DICER1: variants seen among roughly 807,000 people sequenced by gnomAD.
The protein encoded by DICER1 is endoribonuclease Dicer.
DICER1 carries 43 observed loss-of-function variants against 194.1 expected under a neutral mutation model. The observed-to-expected ratio is 0.22, with a 90% CI of 0.17 to 0.29. The LOEUF (loss-of-function observed/expected upper bound fraction) is 0.29, where lower values mean the gene tolerates loss of function less well. Ranked by LOEUF, DICER1 falls within the 10% of genes least tolerant of loss-of-function variation. The pLI is 1.00. For synonymous variants in DICER1, 832 were observed against 820.5 expected (o/e 1.01, Z -0.24); for missense variants, 1,608 against 2,317.0 (o/e 0.69, Z 6.28).
chr14:95,154,494 T>C (rs935589050), intron 1 of DICER1, among the ~76,000 whole-genome samples: 1 of 152,250 alleles, frequency 6.6e-6, no homozygotes, highest in Non-Finnish European at 1.5e-5. Flanking sequence ...CAAAATGCAG[T>C]ATATTCATAC....
rs532402662 is a variant in DICER1 at position 95,124,918 on chromosome 14, G to T, written c.904-250C>A. On this transcript the variant is annotated intron_variant, in intron 7 of 26. Transcript: ENST00000343455. This position sits in a 1 kb window ranked among gnomAD's most constrained non-coding sequence, Gnocchi z 4.5. The stretch of plus-strand genomic sequence containing the variant: ...GAAATTAAAAGATGCAATTGTATGA[G>T]GTTAATGAAGCTTATTTTTAGATCT... Among the ~76,000 whole-genome samples, 1 of 152,094 alleles carries T rather than the reference G, an allele frequency of 6.6e-6. No individual in the cohort carries two copies. The highest frequency in any genetic ancestry group is 2.4e-5 in the African/African-American group (1 of 41,414).
In DICER1 at chr14:95,150,318, C is replaced by T. The variant is rs140905056; in HGVS notation, c.-46+6912G>A. 1.8e-3 allele frequency among the ~76,000 whole-genome samples: 275 copies of T among 152,114 alleles called. 1 individual carries two copies. Among genetic ancestry groups the T allele is most frequent in the African/African-American group, 6.4e-3 (264 of 41,504 alleles). On this transcript the variant is annotated intron_variant, in intron 1 of 26. Coordinates refer to ENST00000343455, the MANE Select transcript of DICER1 (RefSeq NM_177438.3). The stretch of plus-strand genomic sequence containing the variant: ...GGCTAACATGGTGAAACCCCGTCTC[C>T]ACTTAAAAAATACAAAAATTAGCTC...
rs1010614154 is a variant in DICER1, at chr14:95,107,953, C to T, written c.2577G>A (p.Arg859=). The change falls in exon 16 of 27, where the codon CGG becomes CGA. Residue 859 remains arginine, a synonymous_variant. Transcript: ENST00000343455. ...TAAATTCTAGTGCAGGTTTTTCAAG[C>T]CGAAGAATATGTGAGAATATATACT... ...LHQYIFSHIL[R]LEKPALEFKP... The T allele has an allele frequency of 6.2e-7, 1 of 1,613,922 alleles. No individual in the cohort carries two copies. Among genetic ancestry groups the T allele is most frequent in the Non-Finnish European group, 8.5e-7 (1 of 1,179,918 alleles).
rs866552539 is a variant in DICER1 at position 95,089,066 on chromosome 14, A to C, written c.*1432T>G. 1 of 233,534 alleles carries C rather than the reference A, an allele frequency of 4.3e-6. No homozygotes were observed. Among genetic ancestry groups the C allele is most frequent in the African/African-American group, 2.2e-5 (1 of 45,474 alleles). 14.5% of individuals were successfully genotyped at this position (233,534 alleles called of 1,614,324 possible). A position where few individuals can be genotyped will look rare whatever the true frequency, so the allele number is the denominator to read the frequency against. ...TTACAGTGCAAAAAAAAAAAAATTAAAATTTCAAGCATAATACATAAACAT... is the reference window on the plus strand; with the variant it reads ...TTACAGTGCAAAAAAAAAAAAATTACAATTTCAAGCATAATACATAAACAT... On this transcript the variant is annotated 3_prime_UTR_variant, in exon 27 of 27. Transcript: ENST00000343455.
rs1249975103 is a variant in DICER1, at chr14:95,103,585, G to A, written c.3811C>T (p.Leu1271Phe). Reference sequence around the variant, plus strand: ...TGCTCAGAATCCATCCTGCCCTTGAGCACTTGAATAGTGTCTGTCGTACCA... The same window carrying A: ...TGCTCAGAATCCATCCTGCCCTTGAACACTTGAATAGTGTCTGTCGTACCA... ...MPGTTDTIQV[L>F]KGRMDSEQSP... Residue 1271 changes from leucine (L) to phenylalanine (F), a missense_variant, in exon 21 of 27, where the codon CTC becomes TTC. This residue lies in a region of DICER1 where 222 missense variants were observed against 215.5 expected (regional missense o/e 1.03). Coordinates refer to ENST00000343455, the MANE Select transcript of DICER1 (RefSeq NM_177438.3). The A allele has an allele frequency of 1.1e-5, 17 of 1,614,078 alleles. No homozygotes were observed. The Middle Eastern group carries it at 1.2e-3, about 109-fold the overall frequency.
chr14:95,134,941 A>G (rs1455490327), intron 1 of DICER1, among the ~76,000 whole-genome samples: 1 of 152,214 alleles, frequency 6.6e-6, no homozygotes, highest in African/African-American at 2.4e-5. Flanking sequence ...TCAAAGCCCC[A>G]ACAGCCATTC....
chr14:95,141,869 T>A (rs1843322205), intron 1 of DICER1: 1 of 152,176 alleles, frequency 6.6e-6, no homozygotes, highest in South Asian at 2.1e-4. Context: ...AACAAGACAA[T>A]GCATGTCTAA....
rs1293799301 is a variant in DICER1 at position 95,133,462 on chromosome 14, T to G, written c.-4A>C. On this transcript the variant is annotated 5_prime_UTR_variant, in exon 2 of 27. It removes an upstream start codon present in the reference 5' UTR. Transcript: ENST00000343455. ...GTTGCAAAGCAGGGCTTTTCATTCATCCAGTGTTTCTTTCATTGCATTTTT... is the reference window on the plus strand; with the variant it reads ...GTTGCAAAGCAGGGCTTTTCATTCAGCCAGTGTTTCTTTCATTGCATTTTT... 1 of 1,611,126 alleles carries G rather than the reference T, an allele frequency of 6.2e-7. No homozygotes were observed. Among genetic ancestry groups the G allele is most frequent in the Non-Finnish European group, 8.5e-7 (1 of 1,178,450 alleles).
intron 15 of DICER1, 112 bp from the exon 16 acceptor site, chr14:95,108,205 C>G: frequency 3.1e-6 from 4 of 1,304,924 alleles, no homozygotes; most frequent in Non-Finnish European, 4.4e-6. Context: ...GAAGAGGCAC[C>G]TCGATCTTTA....
At chr14:95,092,761 C>T (rs1233228177) in intron 24 of DICER1, among the ~76,000 whole-genome samples, 3 of 152,158 alleles carry the variant, frequency 2.0e-5, no homozygotes, top group Admixed American at 1.3e-4. Context: ...AACCAATATG[C>T]CCCACTGGCA....
At chr14:95,155,294 C>T (rs1169543602) in intron 1 of DICER1, among the ~76,000 whole-genome samples, 1 of 152,188 alleles carries the variant, frequency 6.6e-6, no homozygotes, top group Non-Finnish European at 1.5e-5. Flanking sequence ...GTGACCATGA[C>T]ATGGTAGGGT....
At position 95,086,532 on chromosome 14, in the gene DICER1, G is replaced by T. The variant is rs532947960; in HGVS notation, c.*3966C>A. 4.8e-4 allele frequency: 113 copies of T among 233,314 alleles called. No homozygotes were observed. Among genetic ancestry groups the T allele is most frequent in the Non-Finnish European group, 8.0e-4 (94 of 117,872 alleles). The allele number at this position is 233,314 out of a possible 1,614,324, so 14.5% of individuals were successfully genotyped here. ...CATTTTTGCTATGTAACCTGCTGCT[G>T]CAGTGAATTCTTAGTGCATCTATAA... On this transcript the variant is annotated 3_prime_UTR_variant, in exon 27 of 27. Coordinates refer to ENST00000343455, the MANE Select transcript of DICER1 (RefSeq NM_177438.3).
intron 13 of DICER1, among the ~76,000 whole-genome samples, chr14:95,111,883 G>A (rs1407409500): frequency 1.3e-5 from 2 of 152,048 alleles, no homozygotes; most frequent in East Asian, 3.9e-4. Context: ...TGTTCATGGT[G>A]CATGATTCAA....
chr14:95,105,632 A>C lies in DICER1; in HGVS notation c.3093+46T>G. 2 of 1,318,608 alleles carry C rather than the reference A, an allele frequency of 1.5e-6. No individual in the cohort carries two copies. The highest frequency in any genetic ancestry group is 1.2e-5 in the South Asian group (1 of 84,492). 81.7% of individuals were successfully genotyped at this position (1,318,608 alleles called of 1,614,324 possible). The stretch of plus-strand genomic sequence containing the variant: ...TCAAACTTATCTTTAATAATCTTTA[A>C]TACTCAAACAAATACTAAGTTATGC... On this transcript the variant is annotated intron_variant, in intron 19 of 26. Coordinates refer to ENST00000343455, the MANE Select transcript of DICER1 (RefSeq NM_177438.3). This position sits in a 1 kb window ranked among gnomAD's most constrained non-coding sequence, Gnocchi z 4.9.
chr14:95,097,349 CT>C (rs1285215623), intron 22 of DICER1, among the ~76,000 whole-genome samples: 1 of 152,162 alleles, frequency 6.6e-6, no homozygotes, highest in Non-Finnish European at 1.5e-5. Flanking sequence ...GATCACTGCA[CT>C]AAGCTATGAA....
intron 26 of DICER1, 179 bp from the exon 27 acceptor site, chr14:95,090,842 G>C: frequency 1.1e-6 from 1 of 950,452 alleles, no homozygotes; most frequent in Non-Finnish European, 1.6e-6. Context: ...CTGCCGTCTA[G>C]TCTTTATTAC....
At position 95,124,819 on chromosome 14, in the gene DICER1, C is replaced by T. The variant is rs1031628042; in HGVS notation, c.904-151G>A. On this transcript the variant is annotated intron_variant, in intron 7 of 26. Transcript: ENST00000343455. The surrounding 1 kb of genome is among the most constrained non-coding windows in gnomAD (Gnocchi z 4.5). ...AGTCCCTGAAGGTGGGGGGAGAGGC[C>T]ATTAGCCTTTTCAAGCTCATTTCGT... 3.3e-5 allele frequency: 22 copies of T among 662,012 alleles called. No homozygotes were observed. Among genetic ancestry groups the T allele is most frequent in the African/African-American group, 9.1e-5 (5 of 54,828 alleles). The allele number at this position is 662,012 out of a possible 1,614,324, so 41.0% of individuals were successfully genotyped here.
rs988095775 is a variant in DICER1, at chr14:95,095,929, G to A, written c.4991C>T (p.Ser1664Leu). The A allele has an allele frequency of 4.3e-6, 7 of 1,613,992 alleles. No individual in the cohort carries two copies. Among genetic ancestry groups the A allele is most frequent in the East Asian group, 2.2e-5 (1 of 44,896 alleles). ...DADKTLNHLI[S>L]GFENFEKKIN... is the part of the protein sequence containing the mutation. ...TTTCTTTTCAAAATTTTCAAACCCC[G>A]ATATAAGGTGATTCAGTGTTTTATC... The change falls in exon 23 of 27, where the codon TCG (serine) becomes TTG (leucine). Residue 1664 changes from serine (S) to leucine (L), a missense_variant. Physicochemically the swap from Ser to Leu is moderately radical, Grantham distance 145. Coordinates refer to ENST00000343455, the MANE Select transcript of DICER1 (RefSeq NM_177438.3).
chr14:95,100,452 G>C (rs560579573), intron 21 of DICER1, among the ~76,000 whole-genome samples: 68 of 152,060 alleles, frequency 4.5e-4, no homozygotes, highest in Non-Finnish European at 7.8e-4. Context: ...CCACAAACGG[G>C]ATTTCAACTG....
Sources: allele counts gnomAD v4.1 joint callset (sites outside exome capture counted in the v4.1 genomes callset), GRCh38; gene constraint gnomAD v4.1.1; regional missense constraint gnomAD v4.1.1; non-coding constraint Gnocchi (gnomAD v3.1); transcripts MANE v1.5; gene names NCBI Gene and HGNC (gene_info 2026-07-23, HGNC 2026-07-21).